IRX2: variants seen among roughly 807,000 people sequenced by gnomAD.
IRX2 encodes the protein iroquois homeobox 2.
In IRX2, 26 loss-of-function variants were observed where a neutral mutation model predicts 42.9. The observed-to-expected ratio is 0.61, with a 90% CI of 0.44 to 0.84. The LOEUF (loss-of-function observed/expected upper bound fraction) is 0.84. Ranked by LOEUF, IRX2 falls within the 40% of genes least tolerant of loss-of-function variation. IRX2 has a pLI of 0.00. For missense variants in IRX2, 782 were observed against 713.9 expected (o/e 1.10, Z -1.09); for synonymous variants, 424 against 353.9 (o/e 1.20, Z -2.22).
In IRX2 at chr5:2,748,625, G is replaced by A. The variant is rs1448278964; in HGVS notation, c.1083C>T (p.Ala361=). Residue 361 remains alanine, a synonymous_variant, in exon 3 of 4, where the codon GCC becomes GCT. Coordinates refer to ENST00000302057, the MANE Select transcript of IRX2 (RefSeq NM_033267.5). ...PPGLPAAAAP[A]STGAPPGGSP... ...AGCCTCCTGGCGGTGCCCCGGTTGA[G>A]GCCGGCGCGGCGGCCGCGGGCAGCC... The A allele has an allele frequency of 1.4e-6, 2 of 1,479,374 alleles. No homozygotes were observed. The highest frequency in any genetic ancestry group is 1.5e-5 in the African/African-American group (1 of 68,054). 91.6% of individuals were successfully genotyped at this position (1,479,374 alleles called of 1,614,324 possible).
At chr5:2,745,749 G>A (rs1055508466), downstream of IRX2, 7 of 152,064 alleles carry the variant, frequency 4.6e-5, no homozygotes, top group Non-Finnish European at 8.8e-5. Flanking sequence ...TAATTTATTG[G>A]TGGGGGGGTG....
chr5:2,751,178 A>G lies in IRX2; in HGVS notation c.236T>C (p.Phe79Ser). The change falls in exon 1 of 4, where the codon TTC becomes TCC. Residue 79 changes from phenylalanine (F) to serine (S), a missense_variant. By Grantham distance (155) the Phe-to-Ser change is radical (BLOSUM62 -2). Transcript: ENST00000302057. This position sits in a 1 kb window ranked among gnomAD's most constrained non-coding sequence, Gnocchi z 4.0. Reference protein sequence around the residue: ...SADAAAAAAGFPSYMGAPYDA... With the variant: ...SADAAAAAAGSPSYMGAPYDA... ...GCGCCCGGTTACCATGTAGGACGGGAAGCCGGCGGCGGCGGCGGCGGCGTC... is the reference window on the plus strand; with the variant it reads ...GCGCCCGGTTACCATGTAGGACGGGGAGCCGGCGGCGGCGGCGGCGGCGTC... The G allele has an allele frequency of 7.9e-7, 1 of 1,267,866 alleles. No individual in the cohort carries two copies. The highest frequency in any genetic ancestry group is 9.9e-7 in the Non-Finnish European group (1 of 1,008,684). The allele number at this position is 1,267,866 out of a possible 1,614,324, so 78.5% of individuals were successfully genotyped here. A position where few individuals can be genotyped will look rare whatever the true frequency, so the allele number is the denominator to read the frequency against.
rs1737846575 is a variant in IRX2, at chr5:2,749,500, G to A, written c.537C>T (p.Thr179=). The change falls in exon 2 of 4, where the codon ACC becomes ACT. Residue 179 remains threonine, a synonymous_variant. Coordinates refer to ENST00000302057, the MANE Select transcript of IRX2 (RefSeq NM_033267.5). ...RRRLKKENKM[T]WAPRNKSEDE... ...CTTCGCTTTTGTTTCTCGGGGCCCA[G>A]GTCATCTTGTTCTCCTTCTTGAGGC... 6.2e-7 allele frequency: 1 copy of A among 1,614,110 alleles called. No homozygotes were observed. The highest frequency in any genetic ancestry group is 1.7e-5 in the Admixed American group (1 of 60,018).
intron 2 of IRX2, 138 bp from the exon 3 acceptor site, chr5:2,749,190 G>A (rs1392987614): frequency 3.3e-5 from 49 of 1,466,674 alleles, no homozygotes; most frequent in Non-Finnish European, 4.3e-5. Context: ...GTGACAGGCG[G>A]AGCCTGACCT....
rs1029284349 is a variant in IRX2 at position 2,746,999 on chromosome 5, G to A, written c.*565C>T. The stretch of plus-strand genomic sequence containing the variant: ...GAGTCCTGTCCACTTGGACATGGGT[G>A]GAGGGGAGGTTGGACAGGGCTGATA... On this transcript the variant is annotated 3_prime_UTR_variant, in exon 4 of 4. Transcript: ENST00000302057. 3 of 152,184 alleles carry A rather than the reference G, an allele frequency of 2.0e-5. No individual in the cohort carries two copies. The highest frequency in any genetic ancestry group is 7.2e-5 in the African/African-American group (3 of 41,422). The allele number at this position is 152,184 out of a possible 1,614,324, so 9.4% of individuals were successfully genotyped here.
At chr5:2,737,530 G>A in the IRX2 span, among the ~76,000 whole-genome samples, 1 of 152,146 alleles carries the variant, frequency 6.6e-6, no homozygotes, top group Admixed American at 6.5e-5. Flanking sequence ...GCAGTCATTT[G>A]GCCCACTCAG....
In IRX2 at chr5:2,751,660, G is replaced by C. The variant is rs1178997518; in HGVS notation, c.-247C>G. On this transcript the variant is annotated 5_prime_UTR_variant, in exon 1 of 4. Transcript: ENST00000302057. The surrounding 1 kb of genome is among the most constrained non-coding windows in gnomAD (Gnocchi z 4.0). ...CCAGGCCGGCGGTCGGGGTTTGGGG[G>C]AGTCTGGAGTCGGGAGTGAGGAGTT... 6.6e-6 allele frequency: 1 copy of C among 151,340 alleles called. No homozygotes were observed. Among genetic ancestry groups the C allele is most frequent in the African/African-American group, 2.4e-5 (1 of 41,184 alleles). 9.4% of individuals were successfully genotyped at this position (151,340 alleles called of 1,614,324 possible).
Position 2,751,139 on chromosome 5 carries a change from C to T in IRX2, c.249+26G>A. ...CGTCTGGGTCCCGGCGCCCAGGAGT[C>T]CCGCGTCCCGCCCGCGCCCGGTTAC... is the stretch of plus-strand genomic sequence containing the variant. On this transcript the variant is annotated intron_variant, in intron 1 of 3. Transcript: ENST00000302057. The surrounding 1 kb of genome is among the most constrained non-coding windows in gnomAD (Gnocchi z 4.0). The T allele has an allele frequency of 8.1e-7, 1 of 1,232,350 alleles. No individual in the cohort carries two copies. Among genetic ancestry groups the T allele is most frequent in the Non-Finnish European group, 1.0e-6 (1 of 986,350 alleles). The allele number at this position is 1,232,350 out of a possible 1,614,324, so 76.3% of individuals were successfully genotyped here. A position where few individuals can be genotyped will look rare whatever the true frequency, so the allele number is the denominator to read the frequency against.
At position 2,747,105 on chromosome 5, in the gene IRX2, T is replaced by A. The variant is rs562257801; in HGVS notation, c.*459A>T. 1 of 152,120 alleles carries A rather than the reference T, an allele frequency of 6.6e-6. No individual in the cohort carries two copies. The highest frequency in any genetic ancestry group is 1.5e-5 in the Non-Finnish European group (1 of 68,022). The allele number at this position is 152,120 out of a possible 1,614,324, so 9.4% of individuals were successfully genotyped here. ...AGGTTTTTGCTACTCCAAGTTTTGG[T>A]AGCCCAAGCTCATCAAAGCATGTGT... On this transcript the variant is annotated 3_prime_UTR_variant, in exon 4 of 4. Coordinates refer to ENST00000302057, the MANE Select transcript of IRX2 (RefSeq NM_033267.5).
chr5:2,748,517 G>A lies in IRX2; in HGVS notation c.1191C>T (p.Asn397=), dbSNP rs1379346769. ...CCTGGCCCTGCAGCGCCGCGTTCAA[G>A]TTCCCGTAGTTTGTGTAGTTGCCGT... ...PFYGNYTNYG[N]LNAALQGQGL... The change falls in exon 3 of 4, where the codon AAC becomes AAT. Residue 397 remains asparagine (N), a synonymous_variant. Transcript: ENST00000302057. 2 of 1,582,298 alleles carry A rather than the reference G, an allele frequency of 1.3e-6. No individual in the cohort carries two copies. The highest frequency in any genetic ancestry group is 1.4e-5 in the African/African-American group (1 of 71,102).
Position 2,748,586 on chromosome 5 carries a change from G to A in IRX2, c.1122C>T (p.Ala374=), listed in dbSNP as rs778777712. Residue 374 remains alanine (A), a synonymous_variant, in exon 3 of 4, where the codon GCC becomes GCT. Transcript: ENST00000302057. ...GAPPGGSPYP[A]SPLLGRPLYY... ...AGAGGGGGCGGCCCAGCAGCGGCGA[G>A]GCAGGGTAGGGCGAGCCTCCTGGCG... The A allele has an allele frequency of 2.6e-6, 4 of 1,551,136 alleles. No homozygotes were observed. The highest frequency in any genetic ancestry group is 1.4e-5 in the African/African-American group (1 of 70,068).
intron 3 of IRX2, among the ~76,000 whole-genome samples, chr5:2,747,926 C>T (rs941115711): frequency 3.9e-5 from 6 of 152,108 alleles, no homozygotes; most frequent in African/African-American, 1.4e-4. Context: ...CTTTTGAAGA[C>T]AAAACGCCTC....
At chr5:2,741,852 A>T (rs1468843214), downstream of IRX2, among the ~76,000 whole-genome samples, 1 of 152,254 alleles carries the variant, frequency 6.6e-6, no homozygotes, top group Non-Finnish European at 1.5e-5. Context: ...TAACATTAGA[A>T]CACCTTTTAA....
In IRX2 at chr5:2,749,068, C is replaced by T. The variant is rs1480209201; in HGVS notation, c.656-16G>A. 1 of 1,593,682 alleles carries T rather than the reference C, an allele frequency of 6.3e-7. No homozygotes were observed. Among genetic ancestry groups the T allele is most frequent in the South Asian group, 1.1e-5 (1 of 90,266 alleles). On this transcript the variant is annotated splice_polypyrimidine_tract_variant and intron_variant, in intron 2 of 3. Coordinates refer to ENST00000302057, the MANE Select transcript of IRX2 (RefSeq NM_033267.5). Reference sequence around the variant, plus strand: ...AGGCTGATCCCTGTGGGGGCGCGGGCACGGTGGGTGGCACGAGGGGACAGC... The same window carrying T: ...AGGCTGATCCCTGTGGGGGCGCGGGTACGGTGGGTGGCACGAGGGGACAGC...
chr5:2,747,698 A>G (rs1737724284), intron 3 of IRX2, 82 bp from the exon 4 acceptor site: 1 of 1,370,858 alleles, frequency 7.3e-7, no homozygotes, highest in Non-Finnish European at 1.0e-6. Flanking sequence ...ACCATCCTCC[A>G]CTCCCAGGCA....
chr5:2,743,041 C>T (rs1737576684), downstream of IRX2, among the ~76,000 whole-genome samples: 3 of 152,330 alleles, frequency 2.0e-5, no homozygotes, highest in South Asian at 6.2e-4. Context: ...ATCTAATAAA[C>T]ACATAAGTTA....
chr5:2,751,291 C>T lies in IRX2; in HGVS notation c.123G>A (p.Ser41=). The T allele has an allele frequency of 7.0e-7, 1 of 1,432,022 alleles. No homozygotes were observed. Among genetic ancestry groups the T allele is most frequent in the Non-Finnish European group, 9.1e-7 (1 of 1,093,000 alleles). The allele number at this position is 1,432,022 out of a possible 1,614,324, so 88.7% of individuals were successfully genotyped here. A position where few individuals can be genotyped will look rare whatever the true frequency, so the allele number is the denominator to read the frequency against. The change falls in exon 1 of 4, where the codon TCG becomes TCA. Residue 41 remains serine, a synonymous_variant. Transcript: ENST00000302057. The surrounding 1 kb of genome is among the most constrained non-coding windows in gnomAD (Gnocchi z 4.0). ...PRSEELARSA[S]GSAFSPYPGS... is the part of the protein sequence containing the mutation. ...CCGGGTAGGGGCTGAACGCCGAGCC[C>T]GACGCCGAGCGCGCCAGCTCCTCGC...
At chr5:2,740,599 A>G in the IRX2 span, among the ~76,000 whole-genome samples, 1 of 152,178 alleles carries the variant, frequency 6.6e-6, no homozygotes, top group African/African-American at 2.4e-5. Flanking sequence ...TGCTCAGGCA[A>G]AACACGTAGG....
chr5:2,741,832 T>C (rs1737548785), downstream of IRX2, among the ~76,000 whole-genome samples: 1 of 152,244 alleles, frequency 6.6e-6, no homozygotes, highest in Admixed American at 6.5e-5. Context: ...CAGCTCCATA[T>C]AGAACAAAGT....
Sources: allele counts gnomAD v4.1 joint callset (sites outside exome capture counted in the v4.1 genomes callset), GRCh38; gene constraint gnomAD v4.1.1; non-coding constraint Gnocchi (gnomAD v3.1); transcripts MANE v1.5; gene names NCBI Gene and HGNC (gene_info 2026-07-23, HGNC 2026-07-21).